AGBL1: variants seen among roughly 807,000 people sequenced by gnomAD.
AGBL1 encodes cytosolic carboxypeptidase 4.
A neutral mutation model predicts 118.9 loss-of-function variants in AGBL1; 130 were observed. The observed-to-expected ratio is 1.09, with a 90% CI of 0.95 to 1.26. AGBL1 has a LOEUF of 1.26. Among genes scored for constraint, AGBL1 ranks in the 50% most tolerant of loss-of-function variants. The probability of loss-of-function intolerance (pLI) is 0.00; values close to 1 mark genes in which losing one functional copy is unlikely to be tolerated. For missense variants in AGBL1, 1,584 were observed against 1,298.1 expected, an observed-to-expected ratio of 1.22 and a Z score of -3.38; for synonymous variants, 555 against 478.9, an observed-to-expected ratio of 1.16 and a Z score of -2.08.
intron 19 of AGBL1, among the ~76,000 whole-genome samples, chr15:86,526,524 A>G (rs2083263980): frequency 1.5e-5 from 2 of 134,632 alleles, no homozygotes; most frequent in Admixed American, 1.6e-4. Flanking sequence ...AAATATGCAC[A>G]CAGATATGTT....
chr15:86,167,196 T>C (rs72750298), intron 5 of AGBL1, among the ~76,000 whole-genome samples: 6,089 of 152,022 alleles, frequency 0.04, 195 homozygotes, highest in South Asian at 0.083. Context: ...CAGGAGGGAC[T>C]CTTGTGGTTT....
At chr15:86,716,801 C>A (rs1278373900) in intron 22 of AGBL1, among the ~76,000 whole-genome samples, 1 of 152,124 alleles carries the variant, frequency 6.6e-6, no homozygotes, top group African/African-American at 2.4e-5. Flanking sequence ...AAATAAAGGA[C>A]CTCATAGGTA....
intron 1 of AGBL1, among the ~76,000 whole-genome samples, chr15:86,101,980 A>G (rs959652835): frequency 1.3e-5 from 2 of 149,322 alleles, no homozygotes; most frequent in African/African-American, 4.9e-5. Context: ...CACATTGTTA[A>G]TCATTGTGGT....
chr15:86,266,295 T>C, intron 11 of AGBL1, 79 bp from the exon 12 acceptor site: 2 of 1,056,286 alleles, frequency 1.9e-6, no homozygotes, highest in Non-Finnish European at 2.7e-6. Context: ...ACCCCCAAAG[T>C]TCTTCCCAGG....
intron 17 of AGBL1, among the ~76,000 whole-genome samples, chr15:86,297,303 A>G (rs1046105630): frequency 6.6e-6 from 1 of 152,188 alleles, no homozygotes; most frequent in Non-Finnish European, 1.5e-5. Flanking sequence ...GCAAATGACA[A>G]TCATTGAGCT....
At chr15:87,029,901 C>T (rs572139984), downstream of AGBL1, among the ~76,000 whole-genome samples, 23 of 151,946 alleles carry the variant, frequency 1.5e-4, no homozygotes, top group Non-Finnish European at 3.2e-4. Context: ...TAGAGGCAAA[C>T]AACCCTTCAT....
intron 18 of AGBL1, among the ~76,000 whole-genome samples, chr15:86,465,964 C>T (rs1323980091): frequency 6.6e-6 from 1 of 152,158 alleles, no homozygotes; most frequent in Non-Finnish European, 1.5e-5. Flanking sequence ...CTAATAAAAC[C>T]TTGCTGGTTT....
intron 23 of AGBL1, among the ~76,000 whole-genome samples, chr15:86,949,437 C>T (rs1247683089): frequency 2.0e-5 from 3 of 151,962 alleles, no homozygotes; most frequent in African/African-American, 7.2e-5. Context: ...AAGAAGGCCA[C>T]TGTTAAGACA....
rs899382672 is a variant in AGBL1 at position 86,134,827 on chromosome 15, A to T, written c.52-7177A>T. ...ATGGGGTTTCACCATGTTGGCCAGG[A>T]TGGTCTCGATCTCCTGACCTCATGA... is the stretch of plus-strand genomic sequence containing the variant. On this transcript the variant is annotated intron_variant, in intron 1 of 22. Transcript: ENST00000614907. Among the ~76,000 whole-genome samples, 33 of 151,498 alleles carry T rather than the reference A, an allele frequency of 2.2e-4. 1 individual carries two copies. The East Asian group carries it at 6.2e-3, about 29-fold the overall frequency.
At chr15:86,619,721 G>A (rs1283847686) in intron 21 of AGBL1, among the ~76,000 whole-genome samples, 1 of 152,170 alleles carries the variant, frequency 6.6e-6, no homozygotes, top group Admixed American at 6.6e-5. Context: ...TGACAACTCA[G>A]ACTGTGACAA....
intron 22 of AGBL1, among the ~76,000 whole-genome samples, chr15:86,830,076 G>C (rs34951189): frequency 0.03 from 4,551 of 152,094 alleles, 93 homozygotes; most frequent in Non-Finnish European, 0.046. Flanking sequence ...CCAATTTTTA[G>C]AGTTAGATGT....
At chr15:86,197,191 G>A (rs1567119462) in intron 5 of AGBL1, among the ~76,000 whole-genome samples, 1 of 152,188 alleles carries the variant, frequency 6.6e-6, no homozygotes, top group Non-Finnish European at 1.5e-5. Flanking sequence ...GAGGCTGGAG[G>A]AGTTTTGAGG....
rs191358324 is a variant in AGBL1, at chr15:86,739,484, T to A, written c.3158+65048T>A. Among the ~76,000 whole-genome samples the A allele has an allele frequency of 6.1e-3, 789 of 128,726 alleles. 6 individuals are homozygous for A. Among genetic ancestry groups the A allele is most frequent in the African/African-American group, 0.02 (696 of 33,986 alleles). 84.4% of individuals were successfully genotyped at this position (128,726 alleles called of 152,430 possible). A position where few individuals can be genotyped will look rare whatever the true frequency, so the allele number is the denominator to read the frequency against. On this transcript the variant is annotated intron_variant, in intron 22 of 22. Transcript: ENST00000614907. ...AAAAAAAGTAAAAGAGAAAAAAAAA[T>A]TTTTCACAGGATCCATCAAGATTCA...
intron 5 of AGBL1, among the ~76,000 whole-genome samples, chr15:86,163,725 C>T (rs1474333825): frequency 6.9e-6 from 1 of 145,646 alleles, no homozygotes; most frequent in Non-Finnish European, 1.5e-5. Flanking sequence ...GAGATTCTGT[C>T]TCAAAAAAAA....
intron 17 of AGBL1, among the ~76,000 whole-genome samples, chr15:86,364,239 T>C (rs2141927566): frequency 6.6e-6 from 1 of 152,328 alleles, no homozygotes; most frequent in East Asian, 1.9e-4. Context: ...CCACATACTT[T>C]AACCACCATG....
chr15:86,761,356 T>A (rs2078021601), intron 22 of AGBL1, among the ~76,000 whole-genome samples: 1 of 152,044 alleles, frequency 6.6e-6, no homozygotes, highest in African/African-American at 2.4e-5. Flanking sequence ...AAAAACCTAG[T>A]GCTAGTGATT....
chr15:86,857,371 A>G (rs563845614), intron 22 of AGBL1, among the ~76,000 whole-genome samples: 3 of 152,230 alleles, frequency 2.0e-5, no homozygotes, highest in South Asian at 2.1e-4. Context: ...TCTTTTCAGT[A>G]TGGGATTCTC....
intron 1 of AGBL1, among the ~76,000 whole-genome samples, chr15:86,119,542 C>T (rs890716698): frequency 1.2e-4 from 18 of 151,976 alleles, no homozygotes; most frequent in Admixed American, 3.9e-4. Flanking sequence ...AATGATCTGC[C>T]CCCCCGGACC....
At chr15:86,554,641 C>T in intron 21 of AGBL1, 104 bp downstream of exon 21, 2 of 1,213,946 alleles carry the variant, frequency 1.6e-6, no homozygotes, top group Non-Finnish European at 1.1e-6. Context: ...AAGAAGGCTC[C>T]AAGTAGAGTT....
Sources: gnomAD v4.1 joint callset for allele counts (sites outside exome capture counted in the v4.1 genomes callset) on GRCh38, gnomAD v4.1.1 for gene constraint, MANE v1.5 for transcripts, NCBI Gene and HGNC (gene_info 2026-07-23, HGNC 2026-07-21) for gene names.